ACER1: variants seen among roughly 807,000 people sequenced by gnomAD.
The protein encoded by ACER1 is alkaline ceramidase 1, also known as CTB-180A7.3.
ACER1 carries 28 observed loss-of-function variants against 24.9 expected under a neutral mutation model. The observed-to-expected ratio is 1.13, with a 90% confidence interval of 0.83 to 1.54. The LOEUF (loss-of-function observed/expected upper bound fraction) is 1.54, where lower values mean the gene tolerates loss of function less well. ACER1 is among the 40% of genes most tolerant of loss of function. The pLI is 0.00. For synonymous variants in ACER1, 132 were observed against 131.4 expected (o/e 1.00, Z -0.03); for missense variants, 352 against 349.3 (o/e 1.01, Z -0.06).
chr19:6,321,002 T>C (rs1350962939), intron 1 of ACER1, among the ~76,000 whole-genome samples: 1 of 151,832 alleles, frequency 6.6e-6, no homozygotes, highest in Non-Finnish European at 1.5e-5. Flanking sequence ...TTTTTTTTTT[T>C]AACATCCCTA....
chr19:6,359,729 T>C, the ACER1 span, among the ~76,000 whole-genome samples: 1 of 152,202 alleles, frequency 6.6e-6, no homozygotes, highest in African/African-American at 2.4e-5. Flanking sequence ...CCATGGTCCC[T>C]GATCTAACAC....
intron 1 of ACER1, among the ~76,000 whole-genome samples, chr19:6,322,863 C>T (rs1323992598): frequency 6.6e-6 from 1 of 152,080 alleles, no homozygotes; most frequent in South Asian, 2.1e-4. Context: ...GTAATCCCAG[C>T]ACTTTGGGAG....
Position 6,314,617 on chromosome 19 carries a change from T to C in ACER1, c.94-2118A>G, listed in dbSNP as rs192530254. Among the ~76,000 whole-genome samples the C allele has an allele frequency of 6.2e-4, 94 of 152,230 alleles. 2 individuals carry two copies. Among genetic ancestry groups the C allele is most frequent in the African/African-American group, 2.1e-3 (89 of 41,554 alleles). ...ACAAGTCTCTCATATGACAAATACT[T>C]ATATAATATGGGTGGAAATGTAAAT... On this transcript the variant is annotated intron_variant, in intron 1 of 5. Transcript: ENST00000301452.
rs2091552348 is a variant in ACER1 at position 6,306,417 on chromosome 19, A to C, written c.*297T>G. The stretch of plus-strand genomic sequence containing the variant: ...CCTGGTGACACAGTCCCACCAGCTC[A>C]TGTGACAATGGTCACTGGGAGGCTG... On this transcript the variant is annotated 3_prime_UTR_variant, in exon 6 of 6. Transcript: ENST00000301452. 3.1e-6 allele frequency: 1 copy of C among 324,480 alleles called. No homozygotes were observed. Among genetic ancestry groups the C allele is most frequent in the African/African-American group, 2.1e-5 (1 of 48,604 alleles). 20.1% of individuals were successfully genotyped at this position (324,480 alleles called of 1,614,324 possible).
In ACER1 at chr19:6,312,393, A is replaced by G. The variant is rs774143751; in HGVS notation, c.200T>C (p.Met67Thr). Residue 67 changes from methionine (M) to threonine (T), a missense_variant, in exon 2 of 6, where the codon ATG becomes ACG. By Grantham distance (81) the Met-to-Thr change is moderately conservative. Transcript: ENST00000301452. ...GAACCACACCTCCCTACCTATGATC[A>G]TGAAGAGGACCCAGACAACGTAAAT... ...RYIYVVWVLF[M>T]IIGLFSMYFH... 1.7e-5 allele frequency: 27 copies of G among 1,613,886 alleles called. No homozygotes were observed. In the Admixed American group the frequency reaches 4.5e-4, roughly 27 times the overall value.
chr19:6,329,603 C>T (rs1005067765), intron 1 of ACER1, among the ~76,000 whole-genome samples: 5 of 151,992 alleles, frequency 3.3e-5, no homozygotes, highest in African/African-American at 9.7e-5. Context: ...TTTATTTTAT[C>T]TGGGGACAGG....
At chr19:6,316,384 G>A (rs1019461551) in intron 1 of ACER1, among the ~76,000 whole-genome samples, 1 of 152,196 alleles carries the variant, frequency 6.6e-6, no homozygotes, top group Non-Finnish European at 1.5e-5. Flanking sequence ...GGCTGCAGGA[G>A]CTGTGATTGT....
the ACER1 span, among the ~76,000 whole-genome samples, chr19:6,347,135 AT>A: frequency 7.5e-6 from 1 of 133,738 alleles, no homozygotes; most frequent in Non-Finnish European, 1.5e-5. Context: ...TATATATAAA[AT>A]AATAATAAAA....
the ACER1 span, among the ~76,000 whole-genome samples, chr19:6,351,573 A>C: frequency 5.3e-5 from 8 of 150,932 alleles, no homozygotes; most frequent in Non-Finnish European, 1.5e-5. Context: ...CTTACCAAAA[A>C]AAAAAAAGAA....
chr19:6,342,301 G>T, the ACER1 span, among the ~76,000 whole-genome samples: 1 of 135,648 alleles, frequency 7.4e-6, no homozygotes, highest in African/African-American at 2.8e-5. Flanking sequence ...TCACTCTGTT[G>T]CCCAGGCTGG....
intron 1 of ACER1, among the ~76,000 whole-genome samples, chr19:6,320,466 C>T (rs1392229904): frequency 6.6e-6 from 1 of 152,086 alleles, no homozygotes; most frequent in Non-Finnish European, 1.5e-5. Context: ...GTGTGTGCCA[C>T]CACACCTGGC....
the ACER1 span, among the ~76,000 whole-genome samples, chr19:6,357,670 C>T: frequency 6.6e-6 from 1 of 151,096 alleles, no homozygotes; most frequent in Non-Finnish European, 1.5e-5. Flanking sequence ...GGTCGAGGCC[C>T]GAGAATCGCT....
chr19:6,326,799 G>T (rs1228239796), intron 1 of ACER1, among the ~76,000 whole-genome samples: 1 of 152,046 alleles, frequency 6.6e-6, no homozygotes, highest in Non-Finnish European at 1.5e-5. Context: ...TTGAATAAAT[G>T]AATGAGTCCA....
At chr19:6,357,027 A>G in the ACER1 span, among the ~76,000 whole-genome samples, 1 of 151,068 alleles carries the variant, frequency 6.6e-6, no homozygotes, top group East Asian at 1.9e-4. Flanking sequence ...CTCAGGGATG[A>G]CATCTGAGCT....
At chr19:6,340,317 AAGGAAGGAAGGAAGGAAGGAAG>A in the ACER1 span, among the ~76,000 whole-genome samples, 1 of 79,932 alleles carries the variant, frequency 1.3e-5, no homozygotes, top group African/African-American at 5.9e-5. Context: ...GGAAGGAAGG[AAGGAAGGAAGGAAGGAAGGAAG>A]GAAGGAAGGA....
intron 4 of ACER1, 90 bp from the exon 5 acceptor site, chr19:6,307,380 C>T: frequency 1.4e-6 from 2 of 1,462,896 alleles, no homozygotes; most frequent in Non-Finnish European, 1.9e-6. Flanking sequence ...AGTGATGAGG[C>T]TCAGAGGTTG....
intron 1 of ACER1, among the ~76,000 whole-genome samples, chr19:6,318,093 G>A (rs1488770977): frequency 2.0e-5 from 3 of 151,954 alleles, no homozygotes; most frequent in South Asian, 2.1e-4. Context: ...AGGGTGAGGC[G>A]GGCAGATCAT....
the ACER1 span, among the ~76,000 whole-genome samples, chr19:6,349,461 G>A: frequency 7.3e-6 from 1 of 137,654 alleles, no homozygotes; most frequent in African/African-American, 2.9e-5. Context: ...AGGAAGGAAG[G>A]AAGGAAAGAA....
At chr19:6,353,944 G>T in the ACER1 span, among the ~76,000 whole-genome samples, 1 of 151,966 alleles carries the variant, frequency 6.6e-6, no homozygotes, top group Admixed American at 6.6e-5. Context: ...CACTTTGGGA[G>T]GCCGAGGTGG....
Sources: allele counts gnomAD v4.1 joint callset (sites outside exome capture counted in the v4.1 genomes callset), GRCh38; gene constraint gnomAD v4.1.1; transcripts MANE v1.5; gene names NCBI Gene and HGNC (gene_info 2026-07-23, HGNC 2026-07-21).